Variants in CCDC24 observed in about 807,000 individuals in gnomAD.
The protein encoded by CCDC24 is coiled-coil domain-containing protein 24.
CCDC24 carries 34 observed loss-of-function variants against 31.6 expected under a neutral mutation model. The observed-to-expected ratio is 1.08, with a 90% CI of 0.82 to 1.43. CCDC24 has a LOEUF of 1.43. Among genes scored for constraint, CCDC24 ranks in the 40% most tolerant of loss-of-function variants. CCDC24 has a pLI of 0.00. For synonymous variants in CCDC24, 175 were observed against 157.3 expected, an observed-to-expected ratio of 1.11 and a Z score of -0.84; for missense variants, 426 against 391.1, an observed-to-expected ratio of 1.09 and a Z score of -0.75.
At chr1:43,994,090 TGA>T in intron 5 of CCDC24, 126 bp downstream of exon 5, 1 of 830,116 alleles carries the variant, frequency 1.2e-6, no homozygotes. Context: ...TGCGTAAGGC[TGA>T]GAGGTGGAAA....
Position 43,995,226 on chromosome 1 carries a change from A to G in CCDC24, c.552+64A>G. 1 of 1,479,058 alleles carries G rather than the reference A, an allele frequency of 6.8e-7. No individual in the cohort carries two copies. The allele number at this position is 1,479,058 out of a possible 1,614,324, so 91.6% of individuals were successfully genotyped here. A position where few individuals can be genotyped will look rare whatever the true frequency, so the allele number is the denominator to read the frequency against. On this transcript the variant is annotated intron_variant, in intron 6 of 8. Transcript: ENST00000372318. The surrounding 1 kb of genome is among the most constrained non-coding windows in gnomAD (Gnocchi z 4.3). ...CTGAGCGTAGACTCTCACCTGGGTG[A>G]GACCCATGTACCTGTGTGCATACAT...
At position 43,996,415 on chromosome 1, in the gene CCDC24, GCAGA is replaced by G; in HGVS notation, c.*260_*263del. On this transcript the variant is annotated 3_prime_UTR_variant, in exon 9 of 9. Transcript: ENST00000372318. Reference sequence around the variant, plus strand: ...CCTCCCAGGCCTCCACAAAGGCCTGGCAGACAGAGGTCTCATTCCAGCCTGACTC... The same window carrying G: ...CCTCCCAGGCCTCCACAAAGGCCTGGCAGAGGTCTCATTCCAGCCTGACTC... 1 of 453,256 alleles carries G rather than the reference GCAGA, an allele frequency of 2.2e-6. No individual in the cohort carries two copies. The allele number at this position is 453,256 out of a possible 1,614,324, so 28.1% of individuals were successfully genotyped here.
At position 43,996,363 on chromosome 1, in the gene CCDC24, C is replaced by T; in HGVS notation, c.*203C>T. 1 of 555,486 alleles carries T rather than the reference C, an allele frequency of 1.8e-6. No homozygotes were observed. The highest frequency in any genetic ancestry group is 2.6e-5 in the South Asian group (1 of 38,396). The allele number at this position is 555,486 out of a possible 1,614,324, so 34.4% of individuals were successfully genotyped here. ...GGAGCTGAGTGGCCGGGCATCGGTCCCAAGCATCAAAGCCTTTGGCCTTTC... is the reference window on the plus strand; with the variant it reads ...GGAGCTGAGTGGCCGGGCATCGGTCTCAAGCATCAAAGCCTTTGGCCTTTC... On this transcript the variant is annotated 3_prime_UTR_variant, in exon 9 of 9. Coordinates refer to ENST00000372318, the MANE Select transcript of CCDC24 (RefSeq NM_152499.4).
In CCDC24 at chr1:43,995,097, T is replaced by C; in HGVS notation, c.498-11T>C. On this transcript the variant is annotated splice_polypyrimidine_tract_variant and intron_variant, in intron 5 of 8. Transcript: ENST00000372318. The surrounding 1 kb of genome is among the most constrained non-coding windows in gnomAD (Gnocchi z 4.3). ...GTCTCGGGTTCTGGCTGCTGCTCCC[T>C]CATGTCCCAGGGGCCTTCTGGAGGA... 1 of 1,576,664 alleles carries C rather than the reference T, an allele frequency of 6.3e-7. No individual in the cohort carries two copies.
Position 43,995,434 on chromosome 1 carries a change from C to T in CCDC24, c.553-167C>T. The T allele has an allele frequency of 3.7e-6, 3 of 804,072 alleles. No individual in the cohort carries two copies. Among genetic ancestry groups the T allele is most frequent in the Non-Finnish European group, 5.8e-6 (3 of 518,416 alleles). 49.8% of individuals were successfully genotyped at this position (804,072 alleles called of 1,614,324 possible). A position where few individuals can be genotyped will look rare whatever the true frequency, so the allele number is the denominator to read the frequency against. The stretch of plus-strand genomic sequence containing the variant: ...GGTACAGGCCCCACCACTATCTTGC[C>T]AAACTCAGCTCTTCCGCAAGGCTGG... On this transcript the variant is annotated intron_variant, in intron 6 of 8. Coordinates refer to ENST00000372318, the MANE Select transcript of CCDC24 (RefSeq NM_152499.4). The surrounding 1 kb of genome is among the most constrained non-coding windows in gnomAD (Gnocchi z 4.3).
chr1:43,994,999 C>A, intron 5 of CCDC24, 109 bp from the exon 6 acceptor site: 1 of 957,930 alleles, frequency 1.0e-6, no homozygotes, highest in Non-Finnish European at 1.6e-6. Flanking sequence ...TGAGGAAGGA[C>A]AGGTTGGGTG....
In CCDC24 at chr1:43,991,961, T is replaced by C. The variant is rs544917842; in HGVS notation, c.83T>C (p.Leu28Pro). Residue 28 changes from leucine to proline, a missense_variant, in exon 2 of 9, where the codon CTG becomes CCG. Transcript: ENST00000372318. The stretch of plus-strand genomic sequence containing the variant: ...GAGCGACGCGAAGTGAAGAGGATTC[T>C]GGGGGAGGCGGCGGTGGACCTGAGC... ...LRERREVKRI[L>P]GEAAVDLSLE... 14 of 1,531,364 alleles carry C rather than the reference T, an allele frequency of 9.1e-6. No homozygotes were observed. The East Asian group carries it at 3.4e-4, about 38-fold the overall frequency. 94.9% of individuals were successfully genotyped at this position (1,531,364 alleles called of 1,614,324 possible).
rs2085821801 is a variant in CCDC24 at position 43,995,371 on chromosome 1, G to GT, written c.552+213dup. 1.6e-4 allele frequency: 111 copies of GT among 707,170 alleles called. 1 individual carries two copies. The South Asian group carries it at 2.0e-3, about 13-fold the overall frequency. The allele number at this position is 707,170 out of a possible 1,614,324, so 43.8% of individuals were successfully genotyped here. On this transcript the variant is annotated intron_variant, in intron 6 of 8. Transcript: ENST00000372318. The surrounding 1 kb of genome is among the most constrained non-coding windows in gnomAD (Gnocchi z 4.3). The stretch of plus-strand genomic sequence containing the variant: ...TGAGCCCTTAAGGCCAGGGCCAACC[G>GT]TTTTAGGTCTTTTGCCTCCTTCCTT...
chr1:43,995,151 C>G lies in CCDC24; in HGVS notation c.541C>G (p.Leu181Val). The change falls in exon 6 of 9, where the codon CTC becomes GTC. Residue 181 changes from leucine to valine, a missense_variant. Transcript: ENST00000372318. This position sits in a 1 kb window ranked among gnomAD's most constrained non-coding sequence, Gnocchi z 4.3. ...EECHTLEREI[L>V]ILQRCLEEEY... ...GTGTCACACCTTGGAGAGGGAGATCCTCATCCTGCAGGTGAGCCGCAGCCC... is the reference window on the plus strand; with the variant it reads ...GTGTCACACCTTGGAGAGGGAGATCGTCATCCTGCAGGTGAGCCGCAGCCC... The G allele has an allele frequency of 1.3e-6, 2 of 1,577,330 alleles. No homozygotes were observed. Among genetic ancestry groups the G allele is most frequent in the Non-Finnish European group, 1.7e-6 (2 of 1,162,178 alleles).
rs1334392727 is a variant in CCDC24, at chr1:43,995,232, A to G, written c.552+70A>G. On this transcript the variant is annotated intron_variant, in intron 6 of 8. Coordinates refer to ENST00000372318, the MANE Select transcript of CCDC24 (RefSeq NM_152499.4). This position sits in a 1 kb window ranked among gnomAD's most constrained non-coding sequence, Gnocchi z 4.3. The stretch of plus-strand genomic sequence containing the variant: ...GTAGACTCTCACCTGGGTGAGACCC[A>G]TGTACCTGTGTGCATACATAGGTGC... The G allele has an allele frequency of 3.4e-6, 5 of 1,449,486 alleles. No individual in the cohort carries two copies. The highest frequency in any genetic ancestry group is 2.8e-5 in the African/African-American group (2 of 71,278). The allele number at this position is 1,449,486 out of a possible 1,614,324, so 89.8% of individuals were successfully genotyped here.
At chr1:43,991,819 C>T (rs1391980069) in intron 1 of CCDC24, 28 bp from the exon 2 acceptor site, 1 of 1,541,122 alleles carries the variant, frequency 6.5e-7, no homozygotes, top group Admixed American at 2.0e-5. Context: ...CCCGCGGTAC[C>T]TCCCGCACTC....
rs1442681237 is a variant in CCDC24 at position 43,995,472 on chromosome 1, A to T, written c.553-129A>T. On this transcript the variant is annotated intron_variant, in intron 6 of 8. Coordinates refer to ENST00000372318, the MANE Select transcript of CCDC24 (RefSeq NM_152499.4). The surrounding 1 kb of genome is among the most constrained non-coding windows in gnomAD (Gnocchi z 4.3). The stretch of plus-strand genomic sequence containing the variant: ...TCCGCAAGGCTGGTATTCCCTGGGG[A>T]ACGTGGCTGCCCTCACGGTGGATGG... The T allele has an allele frequency of 1.0e-6, 1 of 997,642 alleles. No individual in the cohort carries two copies. Among genetic ancestry groups the T allele is most frequent in the East Asian group, 2.6e-5 (1 of 37,948 alleles). The allele number at this position is 997,642 out of a possible 1,614,324, so 61.8% of individuals were successfully genotyped here.
Position 43,995,875 on chromosome 1 carries a change from C to A in CCDC24, c.701+19C>A. ...ACCACAGGTAAACCACAACAGTAGA[C>A]ACAGGGCAGGGTGGACTGAAGGATC... On this transcript the variant is annotated intron_variant, in intron 8 of 8. Transcript: ENST00000372318. This position sits in a 1 kb window ranked among gnomAD's most constrained non-coding sequence, Gnocchi z 4.3. 2 of 1,614,202 alleles carry A rather than the reference C, an allele frequency of 1.2e-6. No individual in the cohort carries two copies. The highest frequency in any genetic ancestry group is 1.7e-6 in the Non-Finnish European group (2 of 1,179,996).
Position 43,995,116 on chromosome 1 carries a change from TGGA to T in CCDC24, c.514_516del (p.Glu172del), listed in dbSNP as rs2154303750. The T allele has an allele frequency of 6.3e-7, 1 of 1,582,922 alleles. No homozygotes were observed. The highest frequency in any genetic ancestry group is 2.3e-5 in the East Asian group (1 of 43,262). On this transcript the variant is annotated inframe_deletion, in exon 6 of 9. Coordinates refer to ENST00000372318, the MANE Select transcript of CCDC24 (RefSeq NM_152499.4). This position sits in a 1 kb window ranked among gnomAD's most constrained non-coding sequence, Gnocchi z 4.3. ...GCTCCCTCATGTCCCAGGGGCCTTC[TGGA>T]GGAGGAGTGTCACACCTTGGAGAGG...
At chr1:43,994,357 G>A (rs1040563094) in intron 5 of CCDC24, 3 of 208,198 alleles carry the variant, frequency 1.4e-5, no homozygotes, top group Non-Finnish European at 3.0e-5. Context: ...GAGGTGAGAA[G>A]GGATTGATTG....
At chr1:43,993,503 C>A (rs1400028872) in intron 4 of CCDC24, among the ~76,000 whole-genome samples, 1 of 151,326 alleles carries the variant, frequency 6.6e-6, no homozygotes, top group East Asian at 1.9e-4. Context: ...AAAAATTGAA[C>A]AGGCGTGGTG....
Position 43,996,165 on chromosome 1 carries a change from C to G in CCDC24, c.*5C>G. On this transcript the variant is annotated 3_prime_UTR_variant, in exon 9 of 9. Coordinates refer to ENST00000372318, the MANE Select transcript of CCDC24 (RefSeq NM_152499.4). The stretch of plus-strand genomic sequence containing the variant: ...GCACCCCAAGCCCCAGCCTGAAGGG[C>G]TGGTCACCGAGTAGGCTCTGGCTTC... 1 of 1,564,814 alleles carries G rather than the reference C, an allele frequency of 6.4e-7. No individual in the cohort carries two copies. The highest frequency in any genetic ancestry group is 1.9e-5 in the Admixed American group (1 of 52,618).
intron 1 of CCDC24, 36 bp downstream of exon 1, chr1:43,991,782 C>A (rs1314273192): frequency 6.8e-7 from 1 of 1,462,282 alleles, no homozygotes; most frequent in Admixed American, 2.0e-5. Flanking sequence ...CATAGAGGGG[C>A]GGGGTTTGGT....
intron 2 of CCDC24, 78 bp from the exon 3 acceptor site, chr1:43,992,134 C>G (rs746976335): frequency 1.9e-4 from 296 of 1,518,732 alleles, no homozygotes; most frequent in Non-Finnish European, 2.6e-4. Context: ...TGACTCCGCC[C>G]TCTCCCTCAC....
Sources: gnomAD v4.1 joint callset for allele counts (sites outside exome capture counted in the v4.1 genomes callset) on GRCh38, gnomAD v4.1.1 for gene constraint, Gnocchi (gnomAD v3.1) non-coding constraint, MANE v1.5 for transcripts, NCBI Gene and HGNC (gene_info 2026-07-23, HGNC 2026-07-21) for gene names.